Variants in SYNPR observed in about 807,000 individuals in gnomAD.
The protein encoded by SYNPR is synaptoporin.
In SYNPR, 23 loss-of-function variants were observed where a neutral mutation model predicts 32.9. That is an observed-to-expected ratio of 0.70 (90% CI 0.50 to 0.99). SYNPR has a LOEUF of 0.99. Among genes scored for constraint, SYNPR ranks in the 50% least tolerant of loss-of-function variants. The pLI is 0.00. For synonymous variants in SYNPR, 146 were observed against 135.9 expected, an observed-to-expected ratio of 1.07 and a Z score of -0.52; for missense variants, 318 against 349.3, an observed-to-expected ratio of 0.91 and a Z score of 0.71.
At chr3:63,568,322 C>A (rs1702828100) in intron 4 of SYNPR, among the ~76,000 whole-genome samples, 4 of 152,182 alleles carry the variant, frequency 2.6e-5, no homozygotes, top group Admixed American at 2.6e-4. Flanking sequence ...ATGCTCTTCA[C>A]CACAGTGCTG....
At chr3:63,499,054 T>G (rs550564496) in intron 3 of SYNPR, among the ~76,000 whole-genome samples, 58 of 150,788 alleles carry the variant, frequency 3.8e-4, no homozygotes, top group Non-Finnish European at 7.7e-4. Flanking sequence ...TGAAAAAAAA[T>G]TTTTTCTGGT....
chr3:63,290,045 G>GT (rs2086723225), intron 2 of SYNPR, among the ~76,000 whole-genome samples: 1 of 151,320 alleles, frequency 6.6e-6, no homozygotes, highest in South Asian at 2.1e-4. Context: ...CAGGAGAATG[G>GT]TGTGAACCCA....
At chr3:63,613,050 A>G (rs1024415388) in intron 5 of SYNPR, among the ~76,000 whole-genome samples, 7 of 150,718 alleles carry the variant, frequency 4.6e-5, no homozygotes, top group African/African-American at 1.7e-4. Flanking sequence ...ATAGCTCACT[A>G]TAACCTGGAA....
intron 4 of SYNPR, among the ~76,000 whole-genome samples, chr3:63,599,522 A>C (rs1484116325): frequency 6.6e-6 from 1 of 152,222 alleles, no homozygotes; most frequent in African/African-American, 2.4e-5. Context: ...GCCTGGGAGC[A>C]TAAGCCATAC....
intron 3 of SYNPR, among the ~76,000 whole-genome samples, chr3:63,483,141 A>G (rs894265488): frequency 8.5e-5 from 13 of 152,226 alleles, no homozygotes; most frequent in African/African-American, 2.9e-4. Flanking sequence ...GTTCATATAA[A>G]TACACAAATA....
intron 2 of SYNPR, among the ~76,000 whole-genome samples, chr3:63,413,194 A>T (rs1207761748): frequency 2.6e-5 from 4 of 152,180 alleles, no homozygotes; most frequent in Non-Finnish European, 4.4e-5. Context: ...CCATTTTTCC[A>T]TCACGAAGCA....
intron 2 of SYNPR, among the ~76,000 whole-genome samples, chr3:63,462,869 C>A (rs1345196797): frequency 6.6e-6 from 1 of 152,120 alleles, no homozygotes; most frequent in Non-Finnish European, 1.5e-5. Context: ...GCCTGTTGAG[C>A]ATTGTTTTCA....
chr3:63,513,533 G>A (rs77134099), intron 3 of SYNPR, among the ~76,000 whole-genome samples: 2,072 of 152,194 alleles, frequency 0.014, 34 homozygotes, highest in East Asian at 0.045. Context: ...GTTGATGGAA[G>A]TTTAAGTTGT....
intron 2 of SYNPR, among the ~76,000 whole-genome samples, chr3:63,363,283 AAAT>A (rs1326704457): frequency 2.6e-5 from 4 of 152,208 alleles, no homozygotes; most frequent in South Asian, 4.1e-4. Flanking sequence ...ATTTCAGAAA[AAAT>A]AATAATAATT....
intron 4 of SYNPR, among the ~76,000 whole-genome samples, chr3:63,565,231 A>C (rs1161429909): frequency 6.6e-6 from 1 of 152,066 alleles, no homozygotes; most frequent in African/African-American, 2.4e-5. Context: ...GGAGGTGACA[A>C]TTTTGCCCCT....
At chr3:63,324,610 T>C (rs529348693) in intron 2 of SYNPR, among the ~76,000 whole-genome samples, 1 of 152,240 alleles carries the variant, frequency 6.6e-6, no homozygotes, top group Non-Finnish European at 1.5e-5. Context: ...GAAAGCCCAA[T>C]ATAGACTACT....
chr3:63,286,790 C>T (rs1179825866), intron 2 of SYNPR, among the ~76,000 whole-genome samples: 2 of 152,116 alleles, frequency 1.3e-5, no homozygotes, highest in Non-Finnish European at 2.9e-5. Context: ...AAACTGGGGG[C>T]AATATCTCCT....
At chr3:63,379,942 G>A (rs529071935) in intron 2 of SYNPR, among the ~76,000 whole-genome samples, 2 of 152,094 alleles carry the variant, frequency 1.3e-5, no homozygotes, top group African/African-American at 4.8e-5. Context: ...GCGGTGTTTG[G>A]TTTTTTGTCC....
intron 3 of SYNPR, among the ~76,000 whole-genome samples, chr3:63,520,553 A>G (rs534049833): frequency 6.6e-6 from 1 of 152,078 alleles, no homozygotes; most frequent in Non-Finnish European, 1.5e-5. Flanking sequence ...CGCGCCTGTA[A>G]TCCCAGCTAC....
chr3:63,278,139 A>G (rs904343294), upstream of SYNPR: 1 of 167,242 alleles, frequency 6.0e-6, no homozygotes, highest in Non-Finnish European at 1.3e-5. Context: ...CCCCGGAGCC[A>G]GAGGGCACCG....
intron 2 of SYNPR, among the ~76,000 whole-genome samples, chr3:63,469,808 A>C (rs1037109388): frequency 3.3e-5 from 5 of 152,238 alleles, no homozygotes; most frequent in Admixed American, 3.3e-4. Flanking sequence ...TTAAATAAGC[A>C]GGTCAAAAAT....
intron 2 of SYNPR, among the ~76,000 whole-genome samples, chr3:63,281,976 A>G (rs535172225): frequency 6.6e-6 from 1 of 152,206 alleles, no homozygotes; most frequent in Non-Finnish European, 1.5e-5. Flanking sequence ...TGAGCCCAGG[A>G]GTTCAAGACC....
intron 2 of SYNPR, among the ~76,000 whole-genome samples, chr3:63,390,480 A>G (rs1358233188): frequency 6.6e-6 from 1 of 152,190 alleles, no homozygotes; most frequent in East Asian, 1.9e-4. Context: ...GTCATCACCA[A>G]CTGCTTCCTG....
Position 63,595,469 on chromosome 3 carries a change from CTAAGCA to C in SYNPR, c.409-13655_409-13650del, listed in dbSNP as rs1416964983. Among the ~76,000 whole-genome samples, 7 of 151,358 alleles carry C rather than the reference CTAAGCA, an allele frequency of 4.6e-5. No individual in the cohort carries two copies. The Admixed American group carries it at 4.6e-4, about 10-fold the overall frequency. ...AGTCTAGGGGATTAGTGGGATTTGT[CTAAGCA>C]CACTCAATGTCAGGAAGAAGAGGGA... On this transcript the variant is annotated intron_variant, in intron 4 of 5. Transcript: ENST00000478300.
Sources: allele counts gnomAD v4.1 joint callset (sites outside exome capture counted in the v4.1 genomes callset), GRCh38; gene constraint gnomAD v4.1.1; transcripts MANE v1.5; gene names NCBI Gene and HGNC (gene_info 2026-07-23, HGNC 2026-07-21).